Variants in CCDC180 observed in about 807,000 individuals in gnomAD.
The protein encoded by CCDC180 is coiled-coil domain-containing protein 180.
In CCDC180, 154 loss-of-function variants were observed where a neutral mutation model predicts 209.2. That is an observed-to-expected ratio of 0.74 (90% confidence interval 0.65 to 0.84). CCDC180 has a LOEUF of 0.84. CCDC180 is among the 40% of genes least tolerant of loss of function. CCDC180 has a pLI of 0.00. For missense variants in CCDC180, 1,874 were observed against 1,997.3 expected (o/e 0.94, Z 1.18); for synonymous variants, 778 against 749.1 (o/e 1.04, Z -0.63).
rs1174394410 is a variant in CCDC180 at position 97,368,177 on chromosome 9, TGTA to T, written c.4189+1478_4189+1480del. Among the ~76,000 whole-genome samples the T allele has an allele frequency of 5.0e-3, 760 of 152,302 alleles. 4 individuals are homozygous for T. The highest frequency in any genetic ancestry group is 0.017 in the African/African-American group (721 of 41,558). On this transcript the variant is annotated intron_variant, in intron 31 of 36. Transcript: ENST00000529487. ...TGTAAAATGCTGCATAAAATATTTT[TGTA>T]ATAAAATATTTTAAATGCATTAGCA... is the stretch of plus-strand genomic sequence containing the variant.
chr9:97,307,632 T>TA, upstream of CCDC180: 1 of 1,086,852 alleles, frequency 9.2e-7, no homozygotes, highest in Non-Finnish European at 1.4e-6. Context: ...TGCGCCGCAT[T>TA]AGAGTTCCAG....
intron 19 of CCDC180, among the ~76,000 whole-genome samples, chr9:97,346,835 C>T (rs1826273869): frequency 6.6e-6 from 1 of 152,164 alleles, no homozygotes; most frequent in Admixed American, 6.5e-5. Context: ...CTTCCATCTC[C>T]CAAAGTGCTG....
At chr9:97,313,760 C>T (rs1436795118) in intron 5 of CCDC180, among the ~76,000 whole-genome samples, 1 of 152,190 alleles carries the variant, frequency 6.6e-6, no homozygotes, top group African/African-American at 2.4e-5. Context: ...ATGGACTGCC[C>T]CCCATTCAGC....
At chr9:97,363,114 G>A (rs956083124) in intron 28 of CCDC180, among the ~76,000 whole-genome samples, 1 of 152,230 alleles carries the variant, frequency 6.6e-6, no homozygotes, top group Non-Finnish European at 1.5e-5. Flanking sequence ...CCAGCTGTGC[G>A]CTGGTTGGGG....
At chr9:97,315,346 T>A (rs368035796) in intron 8 of CCDC180, among the ~76,000 whole-genome samples, 78 of 152,230 alleles carry the variant, frequency 5.1e-4, no homozygotes, top group African/African-American at 1.7e-3. Context: ...TCCACCTTCA[T>A]GAGTGATCTG....
At chr9:97,374,927 G>A (rs1827205322) in intron 35 of CCDC180, among the ~76,000 whole-genome samples, 2 of 152,252 alleles carry the variant, frequency 1.3e-5, no homozygotes, top group Admixed American at 6.5e-5. Context: ...GTCCCATGAT[G>A]AAAGGGAGGC....
chr9:97,348,345 A>G (rs1296442507), intron 20 of CCDC180, among the ~76,000 whole-genome samples: 2 of 152,296 alleles, frequency 1.3e-5, no homozygotes, highest in East Asian at 1.9e-4. Flanking sequence ...TTGGAACCTC[A>G]TTGTTCTCAT....
Position 97,341,124 on chromosome 9 carries a change from T to C in CCDC180, c.2275-2216T>C, listed in dbSNP as rs7039961. ...GGAAGGGCCCCCTGTCCAGTGGACA[T>C]GTGACCCACGTGACCTTACCCATCA... On this transcript the variant is annotated intron_variant, in intron 18 of 36. Transcript: ENST00000529487. 1.8e-3 allele frequency among the ~76,000 whole-genome samples: 275 copies of C among 152,276 alleles called. 1 individual carries two copies. Among genetic ancestry groups the C allele is most frequent in the African/African-American group, 5.7e-3 (235 of 41,560 alleles).
intron 3 of CCDC180, among the ~76,000 whole-genome samples, chr9:97,310,370 G>C (rs544344958): frequency 6.6e-6 from 1 of 152,306 alleles, no homozygotes; most frequent in South Asian, 2.1e-4. Context: ...TCTGGCCTGA[G>C]TGCTGGGTGA....
intron 8 of CCDC180, among the ~76,000 whole-genome samples, chr9:97,316,621 A>G (rs1750120016): frequency 6.6e-6 from 1 of 152,168 alleles, no homozygotes; most frequent in Non-Finnish European, 1.5e-5. Flanking sequence ...CTGCTGAAGA[A>G]TGTTCTAGCT....
In CCDC180 at chr9:97,318,474, C is replaced by G; in HGVS notation, c.971C>G (p.Ala324Gly). The G allele has an allele frequency of 6.2e-7, 1 of 1,613,548 alleles. No homozygotes were observed. Among genetic ancestry groups the G allele is most frequent in the Non-Finnish European group, 8.5e-7 (1 of 1,179,826 alleles). The change falls in exon 10 of 37, where the codon GCC (alanine) becomes GGC (glycine). Residue 324 changes from alanine (A) to glycine (G), a missense_variant. By Grantham distance (60) the Ala-to-Gly change is moderately conservative. Transcript: ENST00000529487. ...ALLQSFSEFM[A>G]SESIHTPPAV... ...TGTCTGGCCACCAGTGAGTTCATGG[C>G]CAGTGAGAGTATCCATACTCCCCCG... is the stretch of plus-strand genomic sequence containing the variant.
intron 18 of CCDC180, among the ~76,000 whole-genome samples, chr9:97,337,811 G>T (rs148319536): frequency 0.01 from 1,553 of 152,248 alleles, 26 homozygotes; most frequent in African/African-American, 0.034. Flanking sequence ...TTTCTGGTTG[G>T]TAGGCTATTA....
chr9:97,318,532 G>A lies in CCDC180; in HGVS notation c.1029G>A (p.Lys343=). 1 of 1,613,714 alleles carries A rather than the reference G, an allele frequency of 6.2e-7. No homozygotes were observed. The highest frequency in any genetic ancestry group is 8.5e-7 in the Non-Finnish European group (1 of 1,179,964). The change falls in exon 10 of 37, where the codon AAG becomes AAA. Residue 343 remains lysine (K), a synonymous_variant. Transcript: ENST00000529487. The part of the protein sequence containing the change: ...AVTKELEVML[K]TQNVLQQRRL... Reference sequence around the variant, plus strand: ...CGAAGGAGCTAGAGGTCATGCTGAAGACCCAGAACGTCCTGCAGCAAAGGC... The same window carrying A: ...CGAAGGAGCTAGAGGTCATGCTGAAAACCCAGAACGTCCTGCAGCAAAGGC...
intron 2 of CCDC180, among the ~76,000 whole-genome samples, chr9:97,308,797 G>T (rs531300718): frequency 2.5e-4 from 38 of 152,256 alleles, no homozygotes; most frequent in Non-Finnish European, 4.4e-4. Flanking sequence ...AATTATAAAA[G>T]TATAAAGAAG....
intron 18 of CCDC180, among the ~76,000 whole-genome samples, chr9:97,341,743 G>C (rs1459864961): frequency 6.6e-6 from 1 of 152,202 alleles, no homozygotes; most frequent in Non-Finnish European, 1.5e-5. Context: ...TAAGTCTGCA[G>C]AAGTTTCTGC....
At chr9:97,362,496 G>A in intron 28 of CCDC180, 55 bp downstream of exon 28, 1 of 1,581,954 alleles carries the variant, frequency 6.3e-7, no homozygotes, top group Non-Finnish European at 8.6e-7. Context: ...CCCACACAAA[G>A]GCAGGAGATG....
At chr9:97,325,508 A>G (rs1161156764) in intron 14 of CCDC180, among the ~76,000 whole-genome samples, 1 of 152,224 alleles carries the variant, frequency 6.6e-6, no homozygotes, top group Admixed American at 6.5e-5. Context: ...GGGGGAGAAT[A>G]ACATGAACCA....
chr9:97,366,244 C>G lies in CCDC180; in HGVS notation c.4048-315C>G, dbSNP rs1431482241. ...CCTGCAGCCTATACCCAGCTTGGCA[C>G]TTCCTTGTAAGCTCCCAACCTGGTC... On this transcript the variant is annotated intron_variant, in intron 30 of 36. Coordinates refer to ENST00000529487, the MANE Select transcript of CCDC180 (RefSeq NM_020893.6). This position sits in a 1 kb window ranked among gnomAD's most constrained non-coding sequence, Gnocchi z 4.3. Among the ~76,000 whole-genome samples the G allele has an allele frequency of 2.0e-5, 3 of 152,264 alleles. No homozygotes were observed. Among genetic ancestry groups the G allele is most frequent in the Non-Finnish European group, 2.9e-5 (2 of 68,046 alleles).
At chr9:97,356,919 A>T (rs1268270458) in intron 24 of CCDC180, among the ~76,000 whole-genome samples, 1 of 152,266 alleles carries the variant, frequency 6.6e-6, no homozygotes, top group East Asian at 1.9e-4. Flanking sequence ...AGATGGGGAT[A>T]TGCCAAAATT....
Sources: allele counts gnomAD v4.1 joint callset (sites outside exome capture counted in the v4.1 genomes callset), GRCh38; gene constraint gnomAD v4.1.1; non-coding constraint Gnocchi (gnomAD v3.1); transcripts MANE v1.5; gene names NCBI Gene and HGNC (gene_info 2026-07-23, HGNC 2026-07-21).